CRB1: variants seen among roughly 807,000 people sequenced by gnomAD.
CRB1 encodes the protein protein crumbs homolog 1.
CRB1 carries 83 observed loss-of-function variants against 120.0 expected under a neutral mutation model. The ratio of observed to expected loss-of-function variants is 0.69; its 90% CI spans 0.58 to 0.83. The LOEUF (loss-of-function observed/expected upper bound fraction) is 0.83, where lower values mean the gene tolerates loss of function less well. Ranked by LOEUF, CRB1 falls within the 40% of genes least tolerant of loss-of-function variation. The probability of loss-of-function intolerance (pLI) is 0.00; values close to 1 mark genes in which losing one functional copy is unlikely to be tolerated. For missense variants in CRB1, 1,699 were observed against 1,687.6 expected (o/e 1.01, Z -0.12); for synonymous variants, 625 against 612.5 (o/e 1.02, Z -0.30).
intron 5 of CRB1, among the ~76,000 whole-genome samples, chr1:197,414,245 TTCC>T (rs1385640613): frequency 6.6e-6 from 1 of 152,182 alleles, no homozygotes; most frequent in Non-Finnish European, 1.5e-5. Context: ...AAGATGAAAC[TTCC>T]TCATTTGTAT....
intron 8 of CRB1, among the ~76,000 whole-genome samples, chr1:197,433,339 A>T (rs1558136598): frequency 6.6e-6 from 1 of 152,110 alleles, no homozygotes; most frequent in East Asian, 1.9e-4. Context: ...ATGAAAGATG[A>T]TGGTGGTTGG....
chr1:197,288,972 TAA>T (rs5779860), intron 1 of CRB1, among the ~76,000 whole-genome samples: 88 of 141,652 alleles, frequency 6.2e-4, no homozygotes, highest in South Asian at 3.1e-3. Flanking sequence ...ATACATAGGT[TAA>T]AAAAAAAAAA....
chr1:197,404,051 C>T (rs1191960262), intron 5 of CRB1, among the ~76,000 whole-genome samples: 1 of 152,222 alleles, frequency 6.6e-6, no homozygotes, highest in African/African-American at 2.4e-5. Flanking sequence ...GATATCTTCT[C>T]TGTCACTTGT....
chr1:197,243,180 GT>G, the CRB1 span, among the ~76,000 whole-genome samples: 1 of 151,946 alleles, frequency 6.6e-6, no homozygotes, highest in Admixed American at 6.6e-5. Flanking sequence ...ATCACCTTCA[GT>G]TCTGCTCTGA....
chr1:197,309,763 A>AATAAATAG (rs1207526712), intron 1 of CRB1, among the ~76,000 whole-genome samples: 1 of 149,058 alleles, frequency 6.7e-6, no homozygotes, highest in East Asian at 1.9e-4. Flanking sequence ...AAAATAAATA[A>AATAAATAG]ATAAATAAAT....
the CRB1 span, among the ~76,000 whole-genome samples, chr1:197,237,209 T>G: frequency 3.9e-5 from 6 of 152,196 alleles, no homozygotes; most frequent in African/African-American, 1.4e-4. Context: ...TTGATTCAAT[T>G]TCTTTATTAC....
chr1:197,462,299 C>G (rs1314525857), intron 11 of CRB1, among the ~76,000 whole-genome samples: 1 of 152,108 alleles, frequency 6.6e-6, no homozygotes, highest in African/African-American at 2.4e-5. Flanking sequence ...ACTGATATAT[C>G]TTACATATAG....
intron 1 of CRB1, among the ~76,000 whole-genome samples, chr1:197,279,013 CG>C (rs766777309): frequency 1.0e-3 from 156 of 151,618 alleles, no homozygotes; most frequent in Non-Finnish European, 1.8e-3. Context: ...AATTTTATTC[CG>C]AAAAATAAAA....
chr1:197,361,004 A>G (rs1236974937), intron 5 of CRB1, among the ~76,000 whole-genome samples: 3 of 152,194 alleles, frequency 2.0e-5, no homozygotes, highest in Non-Finnish European at 4.4e-5. Flanking sequence ...ATTTTCTGCA[A>G]TTGATTTATC....
chr1:197,277,171 A>G (rs935954184), intron 1 of CRB1, among the ~76,000 whole-genome samples: 6 of 151,904 alleles, frequency 3.9e-5, no homozygotes, highest in Admixed American at 2.6e-4. Context: ...TTTCAGGGTA[A>G]AATGTTTATA....
chr1:197,293,849 T>C (rs909561255), intron 1 of CRB1, among the ~76,000 whole-genome samples: 5 of 152,132 alleles, frequency 3.3e-5, no homozygotes, highest in African/African-American at 1.2e-4. Flanking sequence ...CTGGAAAAAC[T>C]GGCTAGCCAT....
chr1:197,375,528 C>G (rs1432929290), intron 5 of CRB1, among the ~76,000 whole-genome samples: 1 of 152,098 alleles, frequency 6.6e-6, no homozygotes, highest in Admixed American at 6.5e-5. Flanking sequence ...CTTGGTACAA[C>G]CAACAAGAAT....
chr1:197,236,487 C>T, the CRB1 span, among the ~76,000 whole-genome samples: 2 of 152,196 alleles, frequency 1.3e-5, no homozygotes, highest in African/African-American at 4.8e-5. Flanking sequence ...ATGTGAGCCA[C>T]TGCGCTCGGC....
At chr1:197,428,675 T>C (rs1004654444) in intron 7 of CRB1, among the ~76,000 whole-genome samples, 9 of 152,224 alleles carry the variant, frequency 5.9e-5, no homozygotes, top group Admixed American at 5.2e-4. Flanking sequence ...TATTGTAACA[T>C]AGTTATGGAA....
the CRB1 span, among the ~76,000 whole-genome samples, chr1:197,249,390 C>T: frequency 6.6e-6 from 1 of 151,754 alleles, no homozygotes. Context: ...GATATAAACC[C>T]GTTCATTTTG....
chr1:197,232,200 T>A, the CRB1 span, among the ~76,000 whole-genome samples: 4 of 152,164 alleles, frequency 2.6e-5, no homozygotes, highest in Non-Finnish European at 5.9e-5. Context: ...GGGAATGCAG[T>A]TCAGGTAACA....
At chr1:197,423,090 G>A (rs915861928) in intron 6 of CRB1, among the ~76,000 whole-genome samples, 1 of 151,994 alleles carries the variant, frequency 6.6e-6, no homozygotes, top group Non-Finnish European at 1.5e-5. Context: ...TTATGCTGAG[G>A]CAATGTTCAC....
At chr1:197,446,589 A>T (rs1185430965) in intron 11 of CRB1, among the ~76,000 whole-genome samples, 1 of 152,228 alleles carries the variant, frequency 6.6e-6, no homozygotes, top group Non-Finnish European at 1.5e-5. Context: ...TTATACTTGC[A>T]CTTTAGAAAG....
rs777066294 is a variant in CRB1 at position 197,434,890 on chromosome 1, C to T, written c.3027C>T (p.Phe1009=). 6.2e-7 allele frequency: 1 copy of T among 1,613,818 alleles called. No homozygotes were observed. The highest frequency in any genetic ancestry group is 1.3e-5 in the African/African-American group (1 of 75,008). The change falls in exon 9 of 12, where the codon TTC becomes TTT. Residue 1009 remains phenylalanine, a synonymous_variant. Coordinates refer to ENST00000367400, the MANE Select transcript of CRB1 (RefSeq NM_201253.3). ...TTAGCATTCAAGATTCCAGATTATT[C>T]TTTCAATTGCAAAGTGGCAACAGCT... ...LNISIQDSRL[F]FQLQSGNSFY...
Sources: allele counts gnomAD v4.1 joint callset (sites outside exome capture counted in the v4.1 genomes callset), GRCh38; gene constraint gnomAD v4.1.1; transcripts MANE v1.5; gene names NCBI Gene and HGNC (gene_info 2026-07-23, HGNC 2026-07-21).